The following GPC5 variants were observed in gnomAD, a reference collection of about 807,000 sequenced individuals.
The protein encoded by GPC5 is glypican 5, also known as glypican-5.
In GPC5, 47 loss-of-function variants were observed where a neutral mutation model predicts 53.9. That is an observed-to-expected ratio of 0.87 (90% CI 0.69 to 1.11). GPC5 has a LOEUF of 1.11. Among genes scored for constraint, GPC5 ranks in the 50% most tolerant of loss-of-function variants. The pLI, the probability that GPC5 is intolerant of heterozygous loss-of-function variation, is 0.00. For synonymous variants in GPC5, 286 were observed against 263.3 expected, an observed-to-expected ratio of 1.09 and a Z score of -0.84; for missense variants, 748 against 713.1, an observed-to-expected ratio of 1.05 and a Z score of -0.56.
At chr13:91,904,011 G>A (rs2039525823) in intron 5 of GPC5, among the ~76,000 whole-genome samples, 1 of 151,920 alleles carries the variant, frequency 6.6e-6, no homozygotes, top group Admixed American at 6.6e-5. Flanking sequence ...AACACTGTAC[G>A]GCAAACCTAC....
At chr13:92,520,162 A>G (rs1417194403) in intron 7 of GPC5, among the ~76,000 whole-genome samples, 1 of 152,214 alleles carries the variant, frequency 6.6e-6, no homozygotes, top group Admixed American at 6.5e-5. Flanking sequence ...AAAAAAGTCC[A>G]GAACCAGACA....
intron 7 of GPC5, among the ~76,000 whole-genome samples, chr13:92,667,180 G>T (rs1214919972): frequency 2.0e-5 from 3 of 152,070 alleles, no homozygotes; most frequent in Non-Finnish European, 4.4e-5. Flanking sequence ...ACAGAGGCAT[G>T]CATGTGCACG....
At chr13:91,914,928 G>A (rs1051557064) in intron 6 of GPC5, among the ~76,000 whole-genome samples, 3 of 151,998 alleles carry the variant, frequency 2.0e-5, no homozygotes, top group Non-Finnish European at 4.4e-5. Context: ...TAGACATACC[G>A]AATGAGTTAA....
At chr13:92,555,682 C>A (rs1882469679) in intron 7 of GPC5, among the ~76,000 whole-genome samples, 1 of 149,058 alleles carries the variant, frequency 6.7e-6, no homozygotes, top group Non-Finnish European at 1.5e-5. Context: ...AGAATATGGG[C>A]TTTTAGGATG....
chr13:92,850,142 C>T (rs1878744438), intron 7 of GPC5, among the ~76,000 whole-genome samples: 1 of 152,008 alleles, frequency 6.6e-6, no homozygotes, highest in African/African-American at 2.4e-5. Context: ...CTTAAATTTA[C>T]TGAGAGCAGA....
chr13:92,663,582 T>TAC (rs1282087395), intron 7 of GPC5, among the ~76,000 whole-genome samples: 245 of 85,600 alleles, frequency 2.9e-3, no homozygotes, highest in Non-Finnish European at 5.9e-3. Flanking sequence ...ACTAAATATA[T>TAC]ATATATATAT....
chr13:91,757,271 T>C (rs1005283069), intron 5 of GPC5, among the ~76,000 whole-genome samples: 2 of 152,118 alleles, frequency 1.3e-5, no homozygotes, highest in Admixed American at 6.6e-5. Context: ...ATAAAATAAA[T>C]ATATTTTTTA....
At chr13:92,475,078 G>A (rs1879055512) in intron 7 of GPC5, among the ~76,000 whole-genome samples, 2 of 152,062 alleles carry the variant, frequency 1.3e-5, no homozygotes, top group South Asian at 4.1e-4. Flanking sequence ...AAACTGTGGA[G>A]GCAAGGACAC....
intron 7 of GPC5, among the ~76,000 whole-genome samples, chr13:92,168,815 A>G (rs1468451985): frequency 2.6e-5 from 4 of 152,252 alleles, no homozygotes; most frequent in Non-Finnish European, 4.4e-5. Flanking sequence ...CATTTGGCCC[A>G]GTAATCTCAT....
intron 6 of GPC5, among the ~76,000 whole-genome samples, chr13:91,923,976 TTTTAA>T (rs2039742728): frequency 6.6e-6 from 1 of 152,146 alleles, no homozygotes; most frequent in African/African-American, 2.4e-5. Context: ...ATACATTCAT[TTTTAA>T]TTTAATAAGA....
At chr13:92,141,877 GC>G (rs2041834023) in intron 6 of GPC5, among the ~76,000 whole-genome samples, 1 of 152,082 alleles carries the variant, frequency 6.6e-6, no homozygotes, top group Admixed American at 6.6e-5. Flanking sequence ...GTCACTCTCA[GC>G]TCCAAGAGGC....
intron 7 of GPC5, among the ~76,000 whole-genome samples, chr13:92,772,982 T>A (rs1176966829): frequency 6.6e-6 from 1 of 152,162 alleles, no homozygotes; most frequent in African/African-American, 2.4e-5. Flanking sequence ...GTAATAGTAA[T>A]TCCTGTTAAA....
At chr13:91,574,357 C>G (rs2032054026) in intron 2 of GPC5, among the ~76,000 whole-genome samples, 1 of 151,884 alleles carries the variant, frequency 6.6e-6, no homozygotes, top group South Asian at 2.1e-4. Flanking sequence ...TTTGTAATTC[C>G]AAGAGTCCAC....
intron 5 of GPC5, among the ~76,000 whole-genome samples, chr13:91,757,372 A>G (rs1266965740): frequency 1.3e-5 from 2 of 152,186 alleles, no homozygotes; most frequent in Admixed American, 6.5e-5. Context: ...AGTCTCCAAA[A>G]TGAAAGATAG....
intron 7 of GPC5, among the ~76,000 whole-genome samples, chr13:92,295,701 T>C (rs1428365332): frequency 1.3e-5 from 2 of 152,246 alleles, no homozygotes; most frequent in Non-Finnish European, 2.9e-5. Context: ...CCTTTTATCA[T>C]TATATAATGT....
intron 6 of GPC5, among the ~76,000 whole-genome samples, chr13:91,925,697 GA>G (rs1303283241): frequency 4.6e-5 from 7 of 152,090 alleles, no homozygotes; most frequent in African/African-American, 7.2e-5. Context: ...ATGGGCATAC[GA>G]AATTGATTAA....
intron 5 of GPC5, among the ~76,000 whole-genome samples, chr13:91,897,335 C>CTCTGTG (rs1555295188): frequency 1.4e-5 from 2 of 139,436 alleles, no homozygotes; most frequent in East Asian, 4.9e-4. Context: ...ATAGAGAATG[C>CTCTGTG]TGTGTGTGTG....
chr13:92,204,109 A>T (rs1335876460), intron 7 of GPC5, among the ~76,000 whole-genome samples: 1 of 152,184 alleles, frequency 6.6e-6, no homozygotes, highest in Non-Finnish European at 1.5e-5. Flanking sequence ...ATCAGAAAAG[A>T]ATGGGAGAAT....
intron 2 of GPC5, among the ~76,000 whole-genome samples, chr13:91,607,780 A>G (rs2033420594): frequency 6.6e-6 from 1 of 152,182 alleles, no homozygotes; most frequent in Non-Finnish European, 1.5e-5. Flanking sequence ...TCCACAGTTC[A>G]TGTTCCCTAA....
Sources: gnomAD v4.1 joint callset for allele counts (sites outside exome capture counted in the v4.1 genomes callset) on GRCh38, gnomAD v4.1.1 for gene constraint, MANE v1.5 for transcripts, NCBI Gene and HGNC (gene_info 2026-07-23, HGNC 2026-07-21) for gene names.